PWWP2B: variants seen among roughly 807,000 people sequenced by gnomAD.
The protein encoded by PWWP2B is PWWP domain-containing protein 2B.
In PWWP2B, 9 loss-of-function variants were observed where a neutral mutation model predicts 15.5. The observed-to-expected ratio is 0.58, with a 90% CI of 0.35 to 1.02. The LOEUF is 1.02. Ranked by LOEUF, PWWP2B falls within the 50% of genes least tolerant of loss-of-function variation. PWWP2B has a pLI of 0.02. For synonymous variants in PWWP2B, 474 were observed against 403.6 expected (o/e 1.17, Z -2.09); for missense variants, 864 against 865.3 (o/e 1.00, Z 0.02).
chr10:132,410,776 C>T (rs2069768626), intron 2 of PWWP2B, among the ~76,000 whole-genome samples: 1 of 152,182 alleles, frequency 6.6e-6, no homozygotes, highest in Non-Finnish European at 1.5e-5. Flanking sequence ...GACGTGCGGA[C>T]TGGAAGCTGG....
chr10:132,403,128 G>A (rs573490381), intron 1 of PWWP2B, among the ~76,000 whole-genome samples: 47 of 152,346 alleles, frequency 3.1e-4, no homozygotes, highest in African/African-American at 1.1e-3. Flanking sequence ...TGCTCCTGCC[G>A]TTGCTAGCCC....
At chr10:132,406,915 C>T (rs2069708526) in intron 2 of PWWP2B, among the ~76,000 whole-genome samples, 1 of 152,174 alleles carries the variant, frequency 6.6e-6, no homozygotes. Flanking sequence ...TGTGCGTGGC[C>T]AGGCGCCCGG....
At chr10:132,397,721 G>A (rs947722323) in intron 1 of PWWP2B, among the ~76,000 whole-genome samples, 1 of 152,212 alleles carries the variant, frequency 6.6e-6, no homozygotes, top group African/African-American at 2.4e-5. Context: ...GGTCAGATGC[G>A]CCGTGGCCTT....
intron 2 of PWWP2B, among the ~76,000 whole-genome samples, chr10:132,413,480 T>A (rs2069808089): frequency 6.6e-6 from 1 of 152,170 alleles, no homozygotes; most frequent in African/African-American, 2.4e-5. Context: ...ATGTGTCACA[T>A]CCCTCTCTCT....
At chr10:132,397,739 C>T (rs1210353170) in intron 1 of PWWP2B, among the ~76,000 whole-genome samples, 3 of 152,230 alleles carry the variant, frequency 2.0e-5, no homozygotes, top group African/African-American at 7.2e-5. Flanking sequence ...CTTGCCCTGG[C>T]AGTTCCTCAC....
chr10:132,416,127 G>A (rs1590768730), intron 2 of PWWP2B, among the ~76,000 whole-genome samples: 1 of 152,274 alleles, frequency 6.6e-6, no homozygotes, highest in Admixed American at 6.5e-5. Context: ...GCCTCTCCGC[G>A]GGGCCGGGAC....
chr10:132,407,141 G>A (rs1053983859), intron 2 of PWWP2B, among the ~76,000 whole-genome samples: 1 of 152,160 alleles, frequency 6.6e-6, no homozygotes, highest in East Asian at 1.9e-4. Context: ...GGAGCCTGCC[G>A]AGGGGCTGTT....
chr10:132,398,438 C>T (rs1397489973), intron 1 of PWWP2B, among the ~76,000 whole-genome samples: 2 of 152,240 alleles, frequency 1.3e-5, no homozygotes, highest in Non-Finnish European at 2.9e-5. Context: ...GAGCTGCCAT[C>T]CCCTCCACCA....
At chr10:132,416,867 C>T (rs758800128) in intron 2 of PWWP2B, among the ~76,000 whole-genome samples, 194 bp from the exon 3 acceptor site, 3 of 152,110 alleles carry the variant, frequency 2.0e-5, no homozygotes, top group Non-Finnish European at 4.4e-5. Context: ...ATGGAAGACC[C>T]TGCACTCTCT....
intron 1 of PWWP2B, among the ~76,000 whole-genome samples, chr10:132,397,833 G>T (rs2069558954): frequency 6.6e-6 from 1 of 152,022 alleles, no homozygotes; most frequent in Non-Finnish European, 1.5e-5. Context: ...GGGGAGAGCA[G>T]TTGCGCCCAG....
At chr10:132,398,474 A>C (rs1051697206) in intron 1 of PWWP2B, among the ~76,000 whole-genome samples, 5 of 152,210 alleles carry the variant, frequency 3.3e-5, no homozygotes, top group Non-Finnish European at 7.3e-5. Flanking sequence ...TCTGGCGGGC[A>C]GGGTTGGGCT....
Position 132,397,220 on chromosome 10 carries a change from C to A in PWWP2B, c.-7C>A. On this transcript the variant is annotated 5_prime_UTR_variant, in exon 1 of 3. Transcript: ENST00000305233. The stretch of plus-strand genomic sequence containing the variant: ...GGGGCGGGGGCGGCCTGGGACGCGG[C>A]GGGAGCATGGAGCCGCGCGCCGGCT... The A allele has an allele frequency of 8.9e-7, 1 of 1,128,508 alleles. No individual in the cohort carries two copies. The highest frequency in any genetic ancestry group is 1.1e-6 in the Non-Finnish European group (1 of 920,608). 69.9% of individuals were successfully genotyped at this position (1,128,508 alleles called of 1,614,324 possible). A position where few individuals can be genotyped will look rare whatever the true frequency, so the allele number is the denominator to read the frequency against.
intron 1 of PWWP2B, among the ~76,000 whole-genome samples, chr10:132,398,839 C>T (rs1317370338): frequency 6.6e-6 from 1 of 152,254 alleles, no homozygotes; most frequent in Non-Finnish European, 1.5e-5. Context: ...TCTGCGGGCA[C>T]AGCCACTTAG....
chr10:132,405,421 C>T lies in PWWP2B; in HGVS notation c.921C>T (p.Cys307=), dbSNP rs758126946. Residue 307 remains cysteine (C), a synonymous_variant, in exon 2 of 3, where the codon TGC becomes TGT. Coordinates refer to ENST00000305233, the MANE Select transcript of PWWP2B (RefSeq NM_138499.4). The part of the protein sequence containing the change: ...LDRESRDRPS[C]APSASIPKLK... ...GAGAGTCCCGGGACCGGCCGTCCTG[C>T]GCGCCCTCGGCCTCCATCCCCAAGT... The T allele has an allele frequency of 4.3e-5, 70 of 1,610,236 alleles. 1 individual carries two copies. In the South Asian group the frequency reaches 5.3e-4, roughly 12 times the overall value.
intron 1 of PWWP2B, 38 bp downstream of exon 1, chr10:132,397,389 C>T: frequency 8.3e-7 from 1 of 1,209,230 alleles, no homozygotes; most frequent in Non-Finnish European, 1.0e-6. Context: ...CCCGGGGTCC[C>T]CACGCGACAC....
intron 1 of PWWP2B, among the ~76,000 whole-genome samples, chr10:132,403,590 G>A (rs4880252): frequency 0.1 from 15,773 of 152,242 alleles, 1,209 homozygotes; most frequent in East Asian, 0.34. Flanking sequence ...CCAGGTGCCC[G>A]TGCAGCGAGG....
chr10:132,416,417 T>C (rs1470288439), intron 2 of PWWP2B, among the ~76,000 whole-genome samples: 3 of 152,246 alleles, frequency 2.0e-5, no homozygotes, highest in South Asian at 2.1e-4. Flanking sequence ...GGGTTGGCCC[T>C]GGGTTGCGGG....
Position 132,405,771 on chromosome 10 carries a change from G to C in PWWP2B, c.1271G>C (p.Ser424Thr), listed in dbSNP as rs756437184. 6 of 1,607,016 alleles carry C rather than the reference G, an allele frequency of 3.7e-6. No homozygotes were observed. The African/African-American group carries it at 6.7e-5, about 18-fold the overall frequency. ...GACTGTGCCAGTGAGTCGGCGTGCAGCAGCGACAGCCTGGACGAGGCCAGA... is the reference window on the plus strand; with the variant it reads ...GACTGTGCCAGTGAGTCGGCGTGCACCAGCGACAGCCTGGACGAGGCCAGA... Reference protein sequence around the residue: ...RADCASESACSSDSLDEARSS... With the variant: ...RADCASESACTSDSLDEARSS... Residue 424 changes from serine to threonine, a missense_variant, in exon 2 of 3, where the codon AGC becomes ACC. Ser to Thr is a moderately conservative substitution (Grantham distance 58). Around this residue, in one of 2 missense-constraint regions of PWWP2B, gnomAD observed 736 missense variants for 687.7 expected, o/e 1.07. Transcript: ENST00000305233.
intron 1 of PWWP2B, among the ~76,000 whole-genome samples, chr10:132,403,943 G>A (rs955426663): frequency 2.0e-5 from 3 of 151,662 alleles, no homozygotes; most frequent in Admixed American, 6.6e-5. Context: ...CCCGGGCCAC[G>A]CGCAGCCCCA....
Sources: gnomAD v4.1 joint callset for allele counts (sites outside exome capture counted in the v4.1 genomes callset) on GRCh38, gnomAD v4.1.1 for gene constraint, gnomAD v4.1.1 regional missense constraint, MANE v1.5 for transcripts, NCBI Gene and HGNC (gene_info 2026-07-23, HGNC 2026-07-21) for gene names.